The following RANBP2 variants were observed in gnomAD, a reference collection of about 807,000 sequenced individuals.
The protein encoded by RANBP2 is E3 SUMO-protein ligase RanBP2.
A neutral mutation model predicts 303.6 loss-of-function variants in RANBP2; 57 were observed. The observed-to-expected ratio is 0.19, with a 90% CI of 0.15 to 0.23. The LOEUF (loss-of-function observed/expected upper bound fraction) is 0.23, where lower values mean the gene tolerates loss of function less well. RANBP2 is among the 10% of genes least tolerant of loss of function. RANBP2 has a pLI of 1.00. For missense variants in RANBP2, 3,138 were observed against 3,780.8 expected (o/e 0.83, Z 4.46); for synonymous variants, 1,167 against 1,301.5 (o/e 0.90, Z 2.23).
chr2:109,037,065 C>T, the RANBP2 span, among the ~76,000 whole-genome samples: 1 of 151,934 alleles, frequency 6.6e-6, no homozygotes, highest in Non-Finnish European at 1.5e-5. Flanking sequence ...GGGAGAATTG[C>T]TTGAACCCTG....
the RANBP2 span, chr2:109,613,840 G>C: frequency 3.2e-6 from 4 of 1,237,162 alleles, no homozygotes; most frequent in Non-Finnish European, 4.0e-6. Context: ...TCGCGGGCAG[G>C]GGCACGGTGA....
the RANBP2 span, among the ~76,000 whole-genome samples, chr2:109,633,402 A>G: frequency 2.7e-5 from 4 of 149,410 alleles, no homozygotes; most frequent in African/African-American, 1.0e-4. Flanking sequence ...CAAAAAACAA[A>G]ACAAAACAAA....
At chr2:108,921,086 T>C in the RANBP2 span, among the ~76,000 whole-genome samples, 1 of 152,114 alleles carries the variant, frequency 6.6e-6, no homozygotes. Context: ...CCCAGGGTGC[T>C]CCCCTGCGAA....
At chr2:109,015,645 C>G in the RANBP2 span, among the ~76,000 whole-genome samples, 1 of 151,940 alleles carries the variant, frequency 6.6e-6, no homozygotes, top group Non-Finnish European at 1.5e-5. Flanking sequence ...GCAGTCCCAG[C>G]TACTTGGGAG....
chr2:109,258,134 A>G, the RANBP2 span, among the ~76,000 whole-genome samples: 1 of 152,160 alleles, frequency 6.6e-6, no homozygotes, highest in African/African-American at 2.4e-5. Context: ...ACACCAAGCA[A>G]CTGGTAGCTG....
At chr2:109,015,372 A>G in the RANBP2 span, among the ~76,000 whole-genome samples, 1 of 152,026 alleles carries the variant, frequency 6.6e-6, no homozygotes, top group African/African-American at 2.4e-5. Context: ...CTTTGTGATG[A>G]TCCACTTCCC....
At chr2:109,377,041 A>C in the RANBP2 span, among the ~76,000 whole-genome samples, 1 of 152,320 alleles carries the variant, frequency 6.6e-6, no homozygotes, top group East Asian at 1.9e-4. Flanking sequence ...AGTCCGGGCT[A>C]TTTTGCTGCC....
chr2:109,647,645 T>C, the RANBP2 span, among the ~76,000 whole-genome samples: 292 of 151,960 alleles, frequency 1.9e-3, no homozygotes, highest in African/African-American at 5.8e-3. Context: ...ATTTTTTGTA[T>C]ATTTGGTAGA....
chr2:109,029,284 C>T, the RANBP2 span, among the ~76,000 whole-genome samples: 1 of 152,330 alleles, frequency 6.6e-6, no homozygotes, highest in South Asian at 2.1e-4. Context: ...CCCATGGCCG[C>T]AGCTGCTGGG....
At chr2:109,539,333 A>C in the RANBP2 span, among the ~76,000 whole-genome samples, 1 of 152,132 alleles carries the variant, frequency 6.6e-6, no homozygotes, top group Non-Finnish European at 1.5e-5. Flanking sequence ...CAGTTCTATG[A>C]GTCTTTACAA....
At chr2:109,386,039 G>A in the RANBP2 span, among the ~76,000 whole-genome samples, 1 of 152,210 alleles carries the variant, frequency 6.6e-6, no homozygotes, top group Non-Finnish European at 1.5e-5. Context: ...GCTGAGGGAT[G>A]AGCTGGAATG....
chr2:108,949,322 A>C, the RANBP2 span, among the ~76,000 whole-genome samples: 1 of 152,224 alleles, frequency 6.6e-6, no homozygotes, highest in Admixed American at 6.5e-5. Context: ...TACAAGTATT[A>C]ATTATTCCAA....
At chr2:109,640,058 C>T in the RANBP2 span, among the ~76,000 whole-genome samples, 23 of 151,950 alleles carry the variant, frequency 1.5e-4, no homozygotes, top group East Asian at 2.7e-3. Flanking sequence ...CTTCCTTCTC[C>T]GCAAAGCTGT....
the RANBP2 span, among the ~76,000 whole-genome samples, chr2:109,012,313 G>GA: frequency 6.6e-6 from 1 of 152,272 alleles, no homozygotes; most frequent in East Asian, 1.9e-4. Flanking sequence ...AAAGGGTGGG[G>GA]GGTCTCCACA....
At chr2:109,580,194 A>T in the RANBP2 span, among the ~76,000 whole-genome samples, 1 of 152,190 alleles carries the variant, frequency 6.6e-6, no homozygotes, top group East Asian at 1.9e-4. Context: ...AAAAAAACTA[A>T]AAGAAAAATA....
chr2:109,664,825 G>A, the RANBP2 span, among the ~76,000 whole-genome samples: 1 of 151,772 alleles, frequency 6.6e-6, no homozygotes, highest in South Asian at 2.1e-4. Flanking sequence ...AGCTACTTGG[G>A]AGGCTGAGGC....
At chr2:109,362,490 C>T in the RANBP2 span, among the ~76,000 whole-genome samples, 7 of 152,228 alleles carry the variant, frequency 4.6e-5, no homozygotes, top group African/African-American at 1.2e-4. Context: ...AGAATATGGT[C>T]TGTCCTGGTG....
chr2:109,384,631 G>A, the RANBP2 span, among the ~76,000 whole-genome samples: 14 of 152,252 alleles, frequency 9.2e-5, no homozygotes, highest in South Asian at 1.7e-3. Flanking sequence ...CCGAGTGCCC[G>A]CGACCTTGTG....
chr2:109,425,884 TTTTC>T, the RANBP2 span, among the ~76,000 whole-genome samples: 30 of 152,150 alleles, frequency 2.0e-4, no homozygotes, highest in Admixed American at 3.3e-4. Context: ...AAGTACATCT[TTTTC>T]TTTCTTTCTT....
Sources: gnomAD v4.1 joint callset for allele counts (sites outside exome capture counted in the v4.1 genomes callset) on GRCh38, gnomAD v4.1.1 for gene constraint, MANE v1.5 for transcripts, NCBI Gene and HGNC (gene_info 2026-07-23, HGNC 2026-07-21) for gene names.